The following PCMT1 variants were observed in gnomAD, a reference collection of about 807,000 sequenced individuals.
The protein encoded by PCMT1 is protein-L-isoaspartate (D-aspartate) O-methyltransferase.
PCMT1 carries 9 observed loss-of-function variants against 29.2 expected under a neutral mutation model. That is an observed-to-expected ratio of 0.31 (90% CI 0.19 to 0.54). PCMT1 has a LOEUF of 0.54. Ranked by LOEUF, PCMT1 falls within the 20% of genes least tolerant of loss-of-function variation. The probability of loss-of-function intolerance (pLI) is 0.95; values close to 1 mark genes in which losing one functional copy is unlikely to be tolerated. For synonymous variants in PCMT1, 98 were observed against 97.5 expected, an observed-to-expected ratio of 1.00 and a Z score of -0.03; for missense variants, 184 against 282.2, an observed-to-expected ratio of 0.65 and a Z score of 2.49.
chr6:149,761,514 T>G (rs1445534785), intron 1 of PCMT1, among the ~76,000 whole-genome samples: 1 of 152,170 alleles, frequency 6.6e-6, no homozygotes, highest in Admixed American at 6.6e-5. Flanking sequence ...TGATGTTTCA[T>G]GTTTTATCTA....
intron 3 of PCMT1, 105 bp downstream of exon 3, chr6:149,773,274 A>G (rs1787412889): frequency 1.3e-5 from 12 of 890,238 alleles, no homozygotes; most frequent in Non-Finnish European, 2.2e-5. Context: ...TTTATCATCT[A>G]TGAGTTATGT....
At chr6:149,756,033 A>G (rs981156234) in intron 1 of PCMT1, among the ~76,000 whole-genome samples, 2 of 152,174 alleles carry the variant, frequency 1.3e-5, no homozygotes, top group African/African-American at 4.8e-5. Flanking sequence ...GGAGGCAAGG[A>G]TCCAACACCA....
At chr6:149,787,283 C>T (rs1300112653) in intron 3 of PCMT1, among the ~76,000 whole-genome samples, 1 of 146,012 alleles carries the variant, frequency 6.8e-6, no homozygotes, top group Non-Finnish European at 1.5e-5. Context: ...AGAGGGAGAC[C>T]GTGGGTAGAG....
intron 1 of PCMT1, among the ~76,000 whole-genome samples, chr6:149,766,619 C>T (rs1462852857): frequency 6.6e-6 from 1 of 152,216 alleles, no homozygotes; most frequent in Non-Finnish European, 1.5e-5. Context: ...GTGTTTCTGG[C>T]TGTTCTTGCA....
At chr6:149,795,681 A>C in intron 5 of PCMT1, 1 of 362,318 alleles carries the variant, frequency 2.8e-6, no homozygotes, top group South Asian at 2.7e-5. Flanking sequence ...TGATGGCATA[A>C]CTGTTCCTGA....
At chr6:149,803,067 A>AC (rs1288859209) in intron 7 of PCMT1, among the ~76,000 whole-genome samples, 6 of 150,560 alleles carry the variant, frequency 4.0e-5, no homozygotes, top group Non-Finnish European at 5.9e-5. Flanking sequence ...AAAAAAAAAA[A>AC]AAAAAAAAAA....
chr6:149,803,072 A>AC (rs1775894310), intron 7 of PCMT1, among the ~76,000 whole-genome samples: 1 of 150,534 alleles, frequency 6.6e-6, no homozygotes, highest in Admixed American at 6.6e-5. Context: ...AAAAAAAAAA[A>AC]AAAAAAAAAA....
At chr6:149,752,081 G>A (rs962416526) in intron 1 of PCMT1, among the ~76,000 whole-genome samples, 1 of 135,788 alleles carries the variant, frequency 7.4e-6, no homozygotes, top group African/African-American at 2.8e-5. Flanking sequence ...GTCTTGCTAT[G>A]TTGCCCAGGC....
intron 7 of PCMT1, among the ~76,000 whole-genome samples, chr6:149,805,559 A>G (rs1775987351): frequency 6.6e-6 from 1 of 151,748 alleles, no homozygotes; most frequent in African/African-American, 2.4e-5. Context: ...GCGCCATTGC[A>G]CTCCAGCCTG....
At chr6:149,791,552 G>A (rs1000198344) in intron 4 of PCMT1, among the ~76,000 whole-genome samples, 5 of 152,222 alleles carry the variant, frequency 3.3e-5, no homozygotes, top group African/African-American at 1.2e-4. Context: ...TAGAATCCAT[G>A]TAACTTGCTA....
At chr6:149,764,457 A>C (rs1360910052) in intron 1 of PCMT1, among the ~76,000 whole-genome samples, 2 of 152,202 alleles carry the variant, frequency 1.3e-5, no homozygotes, top group Non-Finnish European at 2.9e-5. Context: ...TTTAAAAAAA[A>C]ATGCTTTCAG....
At chr6:149,794,638 T>G (rs1328830605) in intron 5 of PCMT1, 1 of 251,864 alleles carries the variant, frequency 4.0e-6, no homozygotes, top group Non-Finnish European at 7.7e-6. Flanking sequence ...TAAAATAAAA[T>G]AAAGGCCCGG....
chr6:149,755,458 G>T (rs1283941180), intron 1 of PCMT1, among the ~76,000 whole-genome samples: 1 of 151,934 alleles, frequency 6.6e-6, no homozygotes, highest in Non-Finnish European at 1.5e-5. Flanking sequence ...ATCTGTATGG[G>T]CTGTATGGGC....
At chr6:149,756,765 T>G (rs1786528048) in intron 1 of PCMT1, among the ~76,000 whole-genome samples, 2 of 151,882 alleles carry the variant, frequency 1.3e-5, no homozygotes, top group African/African-American at 4.8e-5. Flanking sequence ...TCCAGAGGCC[T>G]TCTCATTTTG....
chr6:149,783,009 A>G (rs75409769), intron 3 of PCMT1, among the ~76,000 whole-genome samples: 1,974 of 152,258 alleles, frequency 0.013, 49 homozygotes, highest in African/African-American at 0.045. Flanking sequence ...AAAAATAAAG[A>G]TCACTATTTT....
chr6:149,795,490 C>T (rs3805752), intron 5 of PCMT1: 147,457 of 396,664 alleles, frequency 0.37, 31,301 homozygotes, highest in East Asian at 0.79. Flanking sequence ...TTGTTGTAGA[C>T]CCATCCGTTT....
At chr6:149,784,624 C>A (rs1309298385) in intron 3 of PCMT1, among the ~76,000 whole-genome samples, 1 of 151,918 alleles carries the variant, frequency 6.6e-6, no homozygotes, top group African/African-American at 2.4e-5. Flanking sequence ...ACCACCACAT[C>A]CACCTCATTT....
intron 1 of PCMT1, among the ~76,000 whole-genome samples, chr6:149,759,557 G>A (rs1010295732): frequency 2.4e-4 from 36 of 151,736 alleles, no homozygotes; most frequent in Non-Finnish European, 4.4e-4. Flanking sequence ...TGCAATGGCG[G>A]GATCTCAGCT....
intron 5 of PCMT1, 23 bp downstream of exon 5, chr6:149,793,692 A>T: frequency 6.6e-7 from 1 of 1,523,050 alleles, no homozygotes; most frequent in Non-Finnish European, 8.7e-7. Flanking sequence ...AAACTTTAAA[A>T]ATTTCTTCAG....
Sources: allele counts gnomAD v4.1 joint callset (sites outside exome capture counted in the v4.1 genomes callset), GRCh38; gene constraint gnomAD v4.1.1; transcripts MANE v1.5; gene names NCBI Gene and HGNC (gene_info 2026-07-23, HGNC 2026-07-21).